The following PIGZ variants were observed in gnomAD, a reference collection of about 807,000 sequenced individuals.
PIGZ encodes the protein GPI alpha-1,2-mannosyltransferase 4.
A neutral mutation model predicts 16.4 loss-of-function variants in PIGZ; 16 were observed. The observed-to-expected ratio is 0.97, with a 90% CI of 0.66 to 1.48. PIGZ has a LOEUF of 1.48. PIGZ is among the 40% of genes most tolerant of loss of function. PIGZ has a pLI of 0.00. For missense variants in PIGZ, 770 were observed against 739.2 expected (o/e 1.04, Z -0.48); for synonymous variants, 409 against 338.4 (o/e 1.21, Z -2.29).
intron 2 of PIGZ, among the ~76,000 whole-genome samples, chr3:196,950,744 C>CTTTTTTTTTTT (rs35150164): frequency 6.9e-6 from 1 of 145,604 alleles, no homozygotes; most frequent in Non-Finnish European, 1.5e-5. Context: ...CTTCATTAGA[C>CTTTTTTTTTTT]TTTTTTTTTT....
At chr3:196,967,658 T>G (rs1157356552) in intron 1 of PIGZ, among the ~76,000 whole-genome samples, 1 of 152,172 alleles carries the variant, frequency 6.6e-6, no homozygotes, top group Non-Finnish European at 1.5e-5. Flanking sequence ...CATCCTCACT[T>G]TGACCCTGAG....
rs969033823 is a variant in PIGZ at position 196,968,773 on chromosome 3, G to A, written c.-87C>T. The A allele has an allele frequency of 6.6e-6, 1 of 151,636 alleles. No individual in the cohort carries two copies. Among genetic ancestry groups the A allele is most frequent in the Non-Finnish European group, 1.5e-5 (1 of 67,916 alleles). The allele number at this position is 151,636 out of a possible 1,614,324, so 9.4% of individuals were successfully genotyped here. ...TCCCAGGAGGCCCCGGAGGCGGCGGGACCGCAGGGCGGAGGGGAGGCCGTG... is the reference window on the plus strand; with the variant it reads ...TCCCAGGAGGCCCCGGAGGCGGCGGAACCGCAGGGCGGAGGGGAGGCCGTG... On this transcript the variant is annotated 5_prime_UTR_variant, in exon 1 of 3. Coordinates refer to ENST00000412723, the MANE Select transcript of PIGZ (RefSeq NM_025163.4).
At position 196,947,207 on chromosome 3, in the gene PIGZ, A is replaced by C; in HGVS notation, c.1690T>G (p.Trp564Gly). ...PALSSLLSGA[W>G]RDHLSLHIVE... Reference sequence around the variant, plus strand: ...ATGTGAAGACTGAGGTGGTCCCTCCAAGCCCCACTCAGCAAGGAGGACAGG... The same window carrying C: ...ATGTGAAGACTGAGGTGGTCCCTCCCAGCCCCACTCAGCAAGGAGGACAGG... The change falls in exon 3 of 3, where the codon TGG (tryptophan) becomes GGG (glycine). Residue 564 changes from tryptophan to glycine, a missense_variant. Coordinates refer to ENST00000412723, the MANE Select transcript of PIGZ (RefSeq NM_025163.4). The C allele has an allele frequency of 6.3e-7, 1 of 1,595,064 alleles. No individual in the cohort carries two copies. Among genetic ancestry groups the C allele is most frequent in the Non-Finnish European group, 8.5e-7 (1 of 1,169,904 alleles).
Position 196,965,886 on chromosome 3 carries a change from A to G in PIGZ, c.-1+2801T>C, listed in dbSNP as rs1209235232. Among the ~76,000 whole-genome samples, 1 of 152,020 alleles carries G rather than the reference A, an allele frequency of 6.6e-6. No homozygotes were observed. The highest frequency in any genetic ancestry group is 1.5e-5 in the Non-Finnish European group (1 of 68,012). On this transcript the variant is annotated intron_variant, in intron 1 of 2. Transcript: ENST00000412723. The surrounding 1 kb of genome is among the most constrained non-coding windows in gnomAD (Gnocchi z 4.2). The stretch of plus-strand genomic sequence containing the variant: ...TCCGCCTCTCCACTTTCCCTCTCTC[A>G]CTGCATCCTTCCTTCTGACTGCGGC...
intron 1 of PIGZ, among the ~76,000 whole-genome samples, chr3:196,967,080 A>G (rs901078805): frequency 6.6e-6 from 1 of 151,764 alleles, no homozygotes; most frequent in African/African-American, 2.4e-5. Flanking sequence ...GAGACAGGGG[A>G]ACAGCCAAGC....
At chr3:196,949,582 G>A (rs1717179325) in intron 2 of PIGZ, among the ~76,000 whole-genome samples, 1 of 152,242 alleles carries the variant, frequency 6.6e-6, no homozygotes, top group African/African-American at 2.4e-5. Context: ...CACCTTGTGA[G>A]CAGAGAGCCC....
At chr3:196,962,659 CTGCACGGCAATACTGATCTTT>C (rs1274782641) in intron 1 of PIGZ, among the ~76,000 whole-genome samples, 18 of 117,296 alleles carry the variant, frequency 1.5e-4, no homozygotes, top group African/African-American at 6.7e-4. Flanking sequence ...CTGATCTTTA[CTGCACGGCAATACTGATCTTT>C]ACTGCACTGA....
At chr3:196,952,128 G>A (rs1248397984) in intron 1 of PIGZ, 97 bp from the exon 2 acceptor site, 7 of 1,135,962 alleles carry the variant, frequency 6.2e-6, no homozygotes, top group Non-Finnish European at 8.9e-6. Flanking sequence ...TAATAAAAAT[G>A]ACAATAATAA....
At chr3:196,960,719 A>AGGAAG (rs1253735508) in intron 1 of PIGZ, among the ~76,000 whole-genome samples, 1 of 126,210 alleles carries the variant, frequency 7.9e-6, no homozygotes, top group African/African-American at 3.1e-5. Context: ...AAGGAAGGAA[A>AGGAAG]GAAAGAAAAG....
intron 1 of PIGZ, among the ~76,000 whole-genome samples, chr3:196,960,421 C>T (rs769795654): frequency 1.4e-4 from 21 of 152,222 alleles, no homozygotes; most frequent in Non-Finnish European, 2.2e-4. Flanking sequence ...CTTTTAATCC[C>T]AGCATTTTGG....
chr3:196,958,756 G>A (rs1464903060), intron 1 of PIGZ, among the ~76,000 whole-genome samples: 1 of 152,180 alleles, frequency 6.6e-6, no homozygotes, highest in East Asian at 1.9e-4. Flanking sequence ...CATAATGTTG[G>A]CATGAGAAAT....
At chr3:196,948,917 TCCC>T (rs1717101190) in intron 2 of PIGZ, among the ~76,000 whole-genome samples, 2 of 17,240 alleles carry the variant, frequency 1.2e-4, no homozygotes, top group African/African-American at 9.4e-4. Context: ...TCCCCTCCCT[TCCC>T]TTCCTTCCCT....
chr3:196,964,645 G>A lies in PIGZ; in HGVS notation c.-1+4042C>T, dbSNP rs1369817393. Among the ~76,000 whole-genome samples the A allele has an allele frequency of 3.9e-5, 6 of 152,294 alleles. No homozygotes were observed. In the South Asian group the frequency reaches 1.0e-3, roughly 26 times the overall value. On this transcript the variant is annotated intron_variant, in intron 1 of 2. Transcript: ENST00000412723. ...GCTGGGATTACAGGCGTGTGCCACC[G>A]TGCCCAGTCTAGCACTGCCATTTAT... is the stretch of plus-strand genomic sequence containing the variant.
In PIGZ at chr3:196,965,930, TC is replaced by T. The variant is rs1040986850; in HGVS notation, c.-1+2756del. ...CTGCGGCAGAGACAGGCCGAATCAC[TC>T]CCCTGTGAGAAACCTCTGGATGGGG... On this transcript the variant is annotated intron_variant, in intron 1 of 2. Coordinates refer to ENST00000412723, the MANE Select transcript of PIGZ (RefSeq NM_025163.4). This position sits in a 1 kb window ranked among gnomAD's most constrained non-coding sequence, Gnocchi z 4.2. Among the ~76,000 whole-genome samples the T allele has an allele frequency of 6.6e-6, 1 of 152,092 alleles. No individual in the cohort carries two copies. The highest frequency in any genetic ancestry group is 2.4e-5 in the African/African-American group (1 of 41,392).
chr3:196,948,142 T>C lies in PIGZ; in HGVS notation c.755A>G (p.Lys252Arg), dbSNP rs188756258. 2.2e-5 allele frequency: 36 copies of C among 1,609,522 alleles called. No homozygotes were observed. The African/African-American group carries it at 3.3e-4, about 15-fold the overall frequency. Residue 252 changes from lysine (K) to arginine (R), a missense_variant, in exon 3 of 3, where the codon AAG (lysine) becomes AGG (arginine). By Grantham distance (26) the Lys-to-Arg change is conservative (BLOSUM62 2). Coordinates refer to ENST00000412723, the MANE Select transcript of PIGZ (RefSeq NM_025163.4). ...CACCAGGGCCTCCCGGGTCAGAGACTTCAAACCAGGGTTTGTGGCTCCACG... is the reference window on the plus strand; with the variant it reads ...CACCAGGGCCTCCCGGGTCAGAGACCTCAAACCAGGGTTTGTGGCTCCACG... ...GTRGATNPGL[K>R]SLTREALVLL... is the part of the protein sequence containing the mutation.
intron 1 of PIGZ, among the ~76,000 whole-genome samples, chr3:196,959,824 T>C (rs540621352): frequency 6.6e-6 from 1 of 152,334 alleles, no homozygotes; most frequent in African/African-American, 2.4e-5. Context: ...CCACTATTCC[T>C]AGCTCCTTCT....
chr3:196,963,673 G>A (rs1035799061), intron 1 of PIGZ, among the ~76,000 whole-genome samples: 2 of 152,220 alleles, frequency 1.3e-5, no homozygotes, highest in Admixed American at 6.5e-5. Context: ...CTCCTGGGTT[G>A]GAGCTGGCAC....
chr3:196,966,676 G>C (rs1322697071), intron 1 of PIGZ, among the ~76,000 whole-genome samples: 4 of 152,234 alleles, frequency 2.6e-5, no homozygotes, highest in Non-Finnish European at 5.9e-5. Context: ...GCCCGCTGGC[G>C]TCTCTCCAGT....
chr3:196,968,520 T>C (rs1237147393), intron 1 of PIGZ, among the ~76,000 whole-genome samples, 167 bp downstream of exon 1: 2 of 152,154 alleles, frequency 1.3e-5, no homozygotes, highest in Non-Finnish European at 2.9e-5. Context: ...TAGGGACAGG[T>C]GCCTGCGAGA....
Sources: allele counts gnomAD v4.1 joint callset (sites outside exome capture counted in the v4.1 genomes callset), GRCh38; gene constraint gnomAD v4.1.1; non-coding constraint Gnocchi (gnomAD v3.1); transcripts MANE v1.5; gene names NCBI Gene and HGNC (gene_info 2026-07-23, HGNC 2026-07-21).